The following MTR variants were observed in gnomAD, a reference collection of about 807,000 sequenced individuals.
MTR encodes 5-methyltetrahydrofolate-homocysteine methyltransferase.
In MTR, 84 loss-of-function variants were observed where a neutral mutation model predicts 154.8. That is an observed-to-expected ratio of 0.54 (90% CI 0.45 to 0.65). The LOEUF (loss-of-function observed/expected upper bound fraction) is 0.65. MTR is among the 30% of genes least tolerant of loss of function. MTR has a pLI of 0.00. For missense variants in MTR, 1,275 were observed against 1,570.2 expected, an observed-to-expected ratio of 0.81 and a Z score of 3.18; for synonymous variants, 554 against 553.9, an observed-to-expected ratio of 1.00 and a Z score of 0.00.
At position 236,829,240 on chromosome 1, in the gene MTR, T is replaced by A; in HGVS notation, c.1047T>A (p.Thr349=). The A allele has an allele frequency of 6.2e-7, 1 of 1,614,086 alleles. No individual in the cohort carries two copies. Among genetic ancestry groups the A allele is most frequent in the Non-Finnish European group, 8.5e-7 (1 of 1,179,950 alleles). ...GTAAGCCTAGAGTTCCACCTGCCAC[T>A]GCTTTTGAAGGACATATGTTACTGT... is the stretch of plus-strand genomic sequence containing the variant. The part of the protein sequence containing the change: ...KNCKPRVPPA[T]AFEGHMLLSG... The change falls in exon 12 of 33, where the codon ACT becomes ACA. Residue 349 remains threonine, a synonymous_variant. Coordinates refer to ENST00000366577, the MANE Select transcript of MTR (RefSeq NM_000254.3).
At chr1:236,808,871 T>G in intron 4 of MTR, 98 bp downstream of exon 4, 1 of 1,101,144 alleles carries the variant, frequency 9.1e-7, no homozygotes, top group Non-Finnish European at 1.4e-6. Context: ...ATGTGGCCTT[T>G]GGCTTACGAG....
chr1:236,815,564 C>T (rs778066135), intron 6 of MTR, 40 bp from the exon 7 acceptor site: 36 of 1,605,674 alleles, frequency 2.2e-5, no homozygotes, highest in Non-Finnish European at 2.7e-5. Context: ...CTTGGACACA[C>T]TCTCAGAAAT....
chr1:236,864,156 G>C (rs3768137), intron 22 of MTR, among the ~76,000 whole-genome samples: 1 of 152,152 alleles, frequency 6.6e-6, no homozygotes, highest in Non-Finnish European at 1.5e-5. Flanking sequence ...TAGTAAGTAT[G>C]TGTTTCGCTT....
At chr1:236,831,888 T>C (rs1662633265) in intron 12 of MTR, 78 bp from the exon 13 acceptor site, 1 of 1,031,272 alleles carries the variant, frequency 9.7e-7, no homozygotes, top group Non-Finnish European at 1.5e-6. Context: ...TCTTTCTTAT[T>C]GAATACATTT....
chr1:236,851,551 T>G (rs1229604603), intron 16 of MTR, among the ~76,000 whole-genome samples: 2 of 152,230 alleles, frequency 1.3e-5, no homozygotes, highest in African/African-American at 4.8e-5. Flanking sequence ...AGGTTATGTA[T>G]TGATTGGTTG....
At chr1:236,880,974 G>A (rs1572323849) in intron 25 of MTR, 138 bp downstream of exon 25, 4 of 869,024 alleles carry the variant, frequency 4.6e-6, no homozygotes, top group Non-Finnish European at 5.7e-6. Flanking sequence ...CTCATGGTGT[G>A]CCTCTGCAGT....
intron 1 of MTR, among the ~76,000 whole-genome samples, chr1:236,801,163 T>A (rs1241596129): frequency 6.6e-6 from 1 of 152,208 alleles, no homozygotes; most frequent in Admixed American, 6.5e-5. Context: ...CCCTACCTTT[T>A]CTCCACATTT....
At chr1:236,816,079 T>C (rs758843009) in intron 7 of MTR, among the ~76,000 whole-genome samples, 12 of 152,216 alleles carry the variant, frequency 7.9e-5, no homozygotes, top group Non-Finnish European at 1.5e-4. Context: ...GAGAAGCGAA[T>C]TGAATCAAAA....
chr1:236,852,943 C>G lies in MTR; in HGVS notation c.1813-5C>G. ...AATTCTCATTTTTATTTGTATTGCC[C>G]TTAGTCTGGCATGGACATGGGGATA... is the stretch of plus-strand genomic sequence containing the variant. On this transcript the variant is annotated splice_region_variant and splice_polypyrimidine_tract_variant and intron_variant, in intron 17 of 32. Coordinates refer to ENST00000366577, the MANE Select transcript of MTR (RefSeq NM_000254.3). The G allele has an allele frequency of 1.2e-5, 20 of 1,613,818 alleles. No homozygotes were observed. Among genetic ancestry groups the G allele is most frequent in the Non-Finnish European group, 1.7e-5 (20 of 1,179,882 alleles).
rs1261086831 is a variant in MTR at position 236,821,388 on chromosome 1, TC to T, written c.765-2729del. On this transcript the variant is annotated intron_variant, in intron 8 of 32. Transcript: ENST00000366577. ...CTGATCATCTGTAAAGGCCCCACCT[TC>T]CAACGCTGTTTCATTGGCATTTAAA... 2.0e-5 allele frequency among the ~76,000 whole-genome samples: 3 copies of T among 152,350 alleles called. No homozygotes were observed. The East Asian group carries it at 5.8e-4, about 29-fold the overall frequency.
intron 12 of MTR, among the ~76,000 whole-genome samples, chr1:236,830,637 G>A (rs1662557491): frequency 6.6e-6 from 1 of 152,188 alleles, no homozygotes; most frequent in Non-Finnish European, 1.5e-5. Context: ...TACTTTGTGT[G>A]AGATGCTTTT....
intron 23 of MTR, among the ~76,000 whole-genome samples, chr1:236,874,307 G>C (rs143117580): frequency 5.1e-4 from 78 of 152,272 alleles, no homozygotes; most frequent in East Asian, 3.3e-3. Flanking sequence ...GGGCGCAGTG[G>C]CTCACACCTG....
Position 236,900,773 on chromosome 1 carries a change from G to C in MTR, c.*3129G>C, listed in dbSNP as rs571237646. ...TAAACAGCAGCTAGAAAGGTGAGGGGCAGGAGAGTGGTGCATCCTTGCTGC... is the reference window on the plus strand; with the variant it reads ...TAAACAGCAGCTAGAAAGGTGAGGGCCAGGAGAGTGGTGCATCCTTGCTGC... On this transcript the variant is annotated 3_prime_UTR_variant, in exon 33 of 33. Coordinates refer to ENST00000366577, the MANE Select transcript of MTR (RefSeq NM_000254.3). 1.3e-5 allele frequency: 2 copies of C among 152,614 alleles called. No individual in the cohort carries two copies. Among genetic ancestry groups the C allele is most frequent in the East Asian group, 3.9e-4 (2 of 5,190 alleles). The allele number at this position is 152,614 out of a possible 1,614,324, so 9.5% of individuals were successfully genotyped here.
rs1024874894 is a variant in MTR at position 236,880,109 on chromosome 1, C to T, written c.2595-646C>T. 5.9e-5 allele frequency among the ~76,000 whole-genome samples: 9 copies of T among 151,980 alleles called. No homozygotes were observed. In the East Asian group the frequency reaches 1.2e-3, roughly 20 times the overall value. On this transcript the variant is annotated intron_variant, in intron 24 of 32. Transcript: ENST00000366577. ...GTGGGAGGCGGAGCTTGCGGTGAGC[C>T]GAGATTGCACCACTGCACTCCAGCC...
chr1:236,825,332 T>A lies in MTR; in HGVS notation c.866-6T>A. On this transcript the variant is annotated splice_region_variant and splice_polypyrimidine_tract_variant and intron_variant, in intron 9 of 32. Coordinates refer to ENST00000366577, the MANE Select transcript of MTR (RefSeq NM_000254.3). ...TTGCAATAATGGTTGAATTATCCTT[T>A]CTCAGGTCTTCCCAACACCTTTGGT... is the stretch of plus-strand genomic sequence containing the variant. 1 of 1,611,490 alleles carries A rather than the reference T, an allele frequency of 6.2e-7. No individual in the cohort carries two copies. Among genetic ancestry groups the A allele is most frequent in the Non-Finnish European group, 8.5e-7 (1 of 1,177,624 alleles).
chr1:236,859,052 T>G (rs899531421), intron 18 of MTR, among the ~76,000 whole-genome samples: 1 of 152,264 alleles, frequency 6.6e-6, no homozygotes, highest in Non-Finnish European at 1.5e-5. Context: ...ATGACATGGC[T>G]GTCTTACTCT....
chr1:236,868,075 A>G (rs1472670955), intron 22 of MTR, among the ~76,000 whole-genome samples: 2 of 152,224 alleles, frequency 1.3e-5, no homozygotes, highest in African/African-American at 4.8e-5. Flanking sequence ...ACAGCATCAC[A>G]TGCTGCAGAG....
Position 236,815,641 on chromosome 1 carries a change from AATATG to A in MTR, c.648_652del (p.Lys216AsnfsTer13), listed in dbSNP as rs781320871. 1 of 1,613,952 alleles carries A rather than the reference AATATG, an allele frequency of 6.2e-7. No individual in the cohort carries two copies. Among genetic ancestry groups the A allele is most frequent in the Non-Finnish European group, 8.5e-7 (1 of 1,179,880 alleles). ...GCACTCCAAAATCTTTTTGAGGAGAAATATGCTCCCCGGCCTATCTTTGTAAGTTC... is the reference window on the plus strand; with the variant it reads ...GCACTCCAAAATCTTTTTGAGGAGAACTCCCCGGCCTATCTTTGTAAGTTC... On this transcript the variant is annotated frameshift_variant, in exon 7 of 33. Transcript: ENST00000366577. LOFTEE classifies it high-confidence loss of function.
intron 5 of MTR, among the ~76,000 whole-genome samples, chr1:236,811,116 G>A (rs1661277166): frequency 6.6e-6 from 1 of 152,280 alleles, no homozygotes; most frequent in African/African-American, 2.4e-5. Flanking sequence ...GCAAGGAGGA[G>A]CAAGTCACGT....
Sources: allele counts gnomAD v4.1 joint callset (sites outside exome capture counted in the v4.1 genomes callset), GRCh38; gene constraint gnomAD v4.1.1; transcripts MANE v1.5; gene names NCBI Gene and HGNC (gene_info 2026-07-23, HGNC 2026-07-21).